EYS: variants seen among roughly 807,000 people sequenced by gnomAD.
EYS encodes the protein protein eyes shut homolog.
A neutral mutation model predicts 282.1 loss-of-function variants in EYS; 250 were observed. The ratio of observed to expected loss-of-function variants is 0.89; its 90% CI spans 0.80 to 0.98. The LOEUF is 0.98. EYS is among the 50% of genes least tolerant of loss of function. The pLI is 0.00. For missense variants in EYS, 4,016 were observed against 3,709.0 expected (o/e 1.08, Z -2.15); for synonymous variants, 1,355 against 1,282.9 (o/e 1.06, Z -1.20).
At chr6:64,435,871 T>C (rs1774724542) in intron 28 of EYS, among the ~76,000 whole-genome samples, 1 of 151,966 alleles carries the variant, frequency 6.6e-6, no homozygotes, top group African/African-American at 2.4e-5. Flanking sequence ...TTTACTTTGT[T>C]CATCAAAAGA....
At chr6:63,791,101 G>A (rs1002197407) in intron 37 of EYS, among the ~76,000 whole-genome samples, 1 of 152,152 alleles carries the variant, frequency 6.6e-6, no homozygotes, top group African/African-American at 2.4e-5. Flanking sequence ...ACATGGTGAG[G>A]AAGAGGGTTA....
At chr6:65,508,643 A>G (rs1476492768) in intron 2 of EYS, among the ~76,000 whole-genome samples, 1 of 147,056 alleles carries the variant, frequency 6.8e-6, no homozygotes, top group African/African-American at 2.6e-5. Context: ...AGCCTGGGTG[A>G]CAGAGCAAGA....
intron 15 of EYS, among the ~76,000 whole-genome samples, chr6:64,936,592 T>C (rs917877133): frequency 2.6e-5 from 4 of 151,408 alleles, no homozygotes; most frequent in African/African-American, 7.3e-5. Flanking sequence ...GAAAAATACA[T>C]CATCAATATA....
At chr6:64,293,878 G>C (rs755107245) in intron 30 of EYS, among the ~76,000 whole-genome samples, 2 of 152,044 alleles carry the variant, frequency 1.3e-5, no homozygotes, top group African/African-American at 4.8e-5. Context: ...AGAAACTAGA[G>C]GTAGAATAAC....
chr6:64,509,865 A>G (rs140424962), intron 26 of EYS, among the ~76,000 whole-genome samples: 1 of 152,320 alleles, frequency 6.6e-6, no homozygotes, highest in African/African-American at 2.4e-5. Context: ...AATATAGGCA[A>G]GAACTAAGCC....
At chr6:65,562,131 C>G (rs1401764463) in intron 2 of EYS, among the ~76,000 whole-genome samples, 1 of 151,792 alleles carries the variant, frequency 6.6e-6, no homozygotes, top group Admixed American at 6.6e-5. Context: ...AAAAAATTAG[C>G]CTACTATCTG....
At chr6:64,463,670 T>C (rs189933541) in intron 26 of EYS, among the ~76,000 whole-genome samples, 2 of 152,310 alleles carry the variant, frequency 1.3e-5, no homozygotes, top group African/African-American at 4.8e-5. Flanking sequence ...CTTCACTCTA[T>C]AAGCATGTCA....
intron 16 of EYS, among the ~76,000 whole-genome samples, chr6:64,907,232 T>A (rs538914446): frequency 4.4e-4 from 67 of 152,172 alleles, no homozygotes; most frequent in Non-Finnish European, 7.8e-4. Flanking sequence ...TTTTTTTAAA[T>A]TTTTTTGTAG....
chr6:64,136,276 TCCA>T (rs2150285003), intron 31 of EYS, among the ~76,000 whole-genome samples: 1 of 152,282 alleles, frequency 6.6e-6, no homozygotes, highest in African/African-American at 2.4e-5. Flanking sequence ...TCTTGCTATT[TCCA>T]CCACAGCAGA....
intron 41 of EYS, among the ~76,000 whole-genome samples, chr6:63,740,291 A>G (rs1254704171): frequency 1.3e-5 from 2 of 152,090 alleles, no homozygotes; most frequent in Non-Finnish European, 2.9e-5. Flanking sequence ...ACGAGATCTG[A>G]TGGTTTTAAA....
At chr6:64,385,858 C>T (rs1220539177) in intron 29 of EYS, among the ~76,000 whole-genome samples, 1 of 152,114 alleles carries the variant, frequency 6.6e-6, no homozygotes, top group Non-Finnish European at 1.5e-5. Context: ...TCAACAGATG[C>T]TTCTTTTTCC....
chr6:64,568,079 A>C (rs986159407), intron 26 of EYS, among the ~76,000 whole-genome samples: 1 of 152,192 alleles, frequency 6.6e-6, no homozygotes, highest in African/African-American at 2.4e-5. Context: ...TTCTGTGTAC[A>C]GTACCAGAGA....
chr6:64,519,800 T>C (rs1365780385), intron 26 of EYS, among the ~76,000 whole-genome samples: 1 of 151,902 alleles, frequency 6.6e-6, no homozygotes, highest in Admixed American at 6.6e-5. Context: ...TCCATCCCCA[T>C]AGCAAACCAA....
At chr6:64,305,139 T>C (rs1367613179) in intron 30 of EYS, among the ~76,000 whole-genome samples, 1 of 152,216 alleles carries the variant, frequency 6.6e-6, no homozygotes, top group Non-Finnish European at 1.5e-5. Context: ...AAATTGATTT[T>C]GTAATTACTT....
intron 26 of EYS, among the ~76,000 whole-genome samples, chr6:64,527,635 G>T: frequency 6.6e-6 from 1 of 151,510 alleles, no homozygotes; most frequent in Non-Finnish European, 1.5e-5. Flanking sequence ...AATGCTTAGG[G>T]TAAATTAAGA....
At chr6:65,344,501 C>G (rs916963343) in intron 9 of EYS, among the ~76,000 whole-genome samples, 1 of 151,430 alleles carries the variant, frequency 6.6e-6, no homozygotes, top group Non-Finnish European at 1.5e-5. Flanking sequence ...AAAAAGAACA[C>G]TGTCCTATAA....
At chr6:64,385,735 A>G (rs1438114320) in intron 29 of EYS, among the ~76,000 whole-genome samples, 1 of 152,138 alleles carries the variant, frequency 6.6e-6, no homozygotes, top group Non-Finnish European at 1.5e-5. Flanking sequence ...ATAACCTAAA[A>G]CCACTCTGTT....
intron 15 of EYS, among the ~76,000 whole-genome samples, chr6:64,941,986 T>G (rs1207155871): frequency 6.6e-6 from 1 of 152,122 alleles, no homozygotes; most frequent in East Asian, 1.9e-4. Context: ...AGTAATGGGA[T>G]TGGTGGGTGA....
At chr6:64,862,416 C>G (rs888654246) in intron 19 of EYS, among the ~76,000 whole-genome samples, 1 of 146,828 alleles carries the variant, frequency 6.8e-6, no homozygotes, top group Non-Finnish European at 1.5e-5. Flanking sequence ...ATGACCTCAG[C>G]TTTTTGTGTA....
Sources: gnomAD v4.1 joint callset for allele counts (sites outside exome capture counted in the v4.1 genomes callset) on GRCh38, gnomAD v4.1.1 for gene constraint, MANE v1.5 for transcripts, NCBI Gene and HGNC (gene_info 2026-07-23, HGNC 2026-07-21) for gene names.